The following PAM variants were observed in gnomAD, a reference collection of about 807,000 sequenced individuals.
The protein encoded by PAM is peptidylglycine alpha-amidating monooxygenase, also known as peptidyl-glycine alpha-amidating monooxygenase.
A neutral mutation model predicts 122.1 loss-of-function variants in PAM; 72 were observed. The ratio of observed to expected loss-of-function variants is 0.59; its 90% CI spans 0.49 to 0.72. The LOEUF (loss-of-function observed/expected upper bound fraction) is 0.72. PAM is among the 30% of genes least tolerant of loss of function. PAM has a pLI of 0.00. For missense variants in PAM, 1,106 were observed against 1,183.7 expected (o/e 0.93, Z 0.96); for synonymous variants, 389 against 404.4 (o/e 0.96, Z 0.46).
intron 1 of PAM, among the ~76,000 whole-genome samples, chr5:102,757,856 G>A (rs1369541625): frequency 6.6e-6 from 1 of 151,504 alleles, no homozygotes; most frequent in Non-Finnish European, 1.5e-5. Flanking sequence ...GCAACATAGT[G>A]AGACCTTCTC....
chr5:102,987,719 T>TGAA, intron 15 of PAM: 1 of 350,038 alleles, frequency 2.9e-6, no homozygotes, highest in South Asian at 2.2e-5. Flanking sequence ...CCATTTGCAA[T>TGAA]TGTTCTCCCT....
rs117951672 is a variant in PAM, at chr5:102,763,979, T to C, written c.-374+8631T>C. 3.4e-3 allele frequency among the ~76,000 whole-genome samples: 512 copies of C among 152,262 alleles called. 9 individuals carry two copies. In the East Asian group the frequency reaches 0.038, roughly 11 times the overall value. ...TCAGTGGGGTGAAATTGGGTAGCTC[T>C]TGCATTAATTTAATTTGACATGACA... On this transcript the variant is annotated intron_variant, in intron 1 of 25. Transcript: ENST00000438793.
intron 1 of PAM, among the ~76,000 whole-genome samples, chr5:102,792,298 T>C (rs1295051018): frequency 6.6e-6 from 1 of 152,148 alleles, no homozygotes; most frequent in African/African-American, 2.4e-5. Context: ...ATATTAAAGG[T>C]AAATGAAATC....
At chr5:102,794,662 T>C (rs186944929) in intron 1 of PAM, among the ~76,000 whole-genome samples, 3 of 152,304 alleles carry the variant, frequency 2.0e-5, no homozygotes, top group African/African-American at 7.2e-5. Context: ...TTATTACATG[T>C]ACAAATTAAA....
chr5:102,793,790 CAATT>C (rs1425614484), intron 1 of PAM, among the ~76,000 whole-genome samples: 5 of 151,994 alleles, frequency 3.3e-5, no homozygotes, highest in Non-Finnish European at 5.9e-5. Flanking sequence ...TTTATATACA[CAATT>C]AATTTATCAA....
At chr5:102,831,182 A>G (rs1775340685) in intron 1 of PAM, among the ~76,000 whole-genome samples, 2 of 152,140 alleles carry the variant, frequency 1.3e-5, no homozygotes, top group Non-Finnish European at 2.9e-5. Context: ...ATTTTTTCCT[A>G]GTCACTTTAT....
At chr5:102,818,605 T>A (rs1213017976) in intron 1 of PAM, among the ~76,000 whole-genome samples, 6 of 152,158 alleles carry the variant, frequency 3.9e-5, no homozygotes, top group Non-Finnish European at 7.4e-5. Flanking sequence ...TTGTCCAGTA[T>A]GCCCTTCCCT....
intron 1 of PAM, among the ~76,000 whole-genome samples, chr5:102,760,166 G>A (rs1291051551): frequency 1.3e-5 from 2 of 152,208 alleles, no homozygotes; most frequent in African/African-American, 2.4e-5. Flanking sequence ...CTGAAGCAAA[G>A]GGCAGGTAGG....
chr5:102,920,903 T>A (rs1747223833), intron 5 of PAM, among the ~76,000 whole-genome samples: 1 of 152,054 alleles, frequency 6.6e-6, no homozygotes, highest in African/African-American at 2.4e-5. Context: ...AGAGAGTACT[T>A]TAACAGTCAG....
intron 3 of PAM, among the ~76,000 whole-genome samples, chr5:102,897,457 C>A (rs553334002): frequency 2.0e-5 from 3 of 151,590 alleles, no homozygotes; most frequent in African/African-American, 7.3e-5. Flanking sequence ...GAAATTATTA[C>A]TATAGTTAAG....
chr5:102,874,947 T>C (rs1788675142), intron 3 of PAM, among the ~76,000 whole-genome samples: 1 of 152,006 alleles, frequency 6.6e-6, no homozygotes. Flanking sequence ...AGCCGGTAAA[T>C]AGGAGAACAA....
At chr5:102,979,223 A>T (rs1768893296) in intron 15 of PAM, among the ~76,000 whole-genome samples, 1 of 152,238 alleles carries the variant, frequency 6.6e-6, no homozygotes, top group African/African-American at 2.4e-5. Context: ...CAATATGAAA[A>T]TCTCATTTGC....
chr5:102,857,571 G>A (rs1462523444), intron 1 of PAM, among the ~76,000 whole-genome samples: 2 of 152,172 alleles, frequency 1.3e-5, no homozygotes, highest in Non-Finnish European at 2.9e-5. Context: ...ATGTTTCCTA[G>A]TATATGAATG....
chr5:102,817,239 G>A (rs1001854036), intron 1 of PAM, among the ~76,000 whole-genome samples: 5 of 151,934 alleles, frequency 3.3e-5, no homozygotes, highest in African/African-American at 1.2e-4. Flanking sequence ...TTGAACATTA[G>A]GTTGCTACCC....
intron 1 of PAM, among the ~76,000 whole-genome samples, chr5:102,841,406 T>TACACAC (rs35825092): frequency 0.034 from 4,749 of 138,458 alleles, 101 homozygotes; most frequent in African/African-American, 0.062. Context: ...CACCTACAAA[T>TACACAC]ACACACACAC....
chr5:102,833,401 A>G (rs1261961491), intron 1 of PAM, among the ~76,000 whole-genome samples: 2 of 152,140 alleles, frequency 1.3e-5, no homozygotes, highest in Middle Eastern at 3.2e-3. Context: ...GCTTTTTTGT[A>G]GAAACAATAA....
chr5:102,828,969 G>C (rs1043535463), intron 1 of PAM, among the ~76,000 whole-genome samples: 5 of 146,424 alleles, frequency 3.4e-5, no homozygotes, highest in African/African-American at 1.3e-4. Context: ...GCCTAGGCTG[G>C]TCTCAAATTC....
intron 3 of PAM, among the ~76,000 whole-genome samples, chr5:102,898,361 A>C (rs531470672): frequency 6.6e-6 from 1 of 151,696 alleles, no homozygotes; most frequent in African/African-American, 2.4e-5. Flanking sequence ...AGAGAAAAAG[A>C]GGATTCATGA....
intron 1 of PAM, among the ~76,000 whole-genome samples, chr5:102,834,147 G>C (rs1776244503): frequency 6.6e-6 from 1 of 151,872 alleles, no homozygotes; most frequent in African/African-American, 2.4e-5. Flanking sequence ...TGATATACTA[G>C]GCATATTTTA....
Sources: allele counts gnomAD v4.1 joint callset (sites outside exome capture counted in the v4.1 genomes callset), GRCh38; gene constraint gnomAD v4.1.1; transcripts MANE v1.5; gene names NCBI Gene and HGNC (gene_info 2026-07-23, HGNC 2026-07-21).